The following DAAM2 variants were observed in gnomAD, a reference collection of about 807,000 sequenced individuals.
The protein encoded by DAAM2 is dishevelled associated activator of morphogenesis 2, also known as disheveled-associated activator of morphogenesis 2.
In DAAM2, 39 loss-of-function variants were observed where a neutral mutation model predicts 120.7. The observed-to-expected ratio is 0.32, with a 90% CI of 0.25 to 0.42. The LOEUF (loss-of-function observed/expected upper bound fraction) is 0.42, where lower values mean the gene tolerates loss of function less well. DAAM2 is among the 10% of genes least tolerant of loss of function. The pLI, the probability that DAAM2 is intolerant of heterozygous loss-of-function variation, is 1.00. For synonymous variants in DAAM2, 488 were observed against 524.9 expected (o/e 0.93, Z 0.96); for missense variants, 1,283 against 1,401.7 (o/e 0.92, Z 1.35).
rs766367751 is a variant in DAAM2 at position 39,900,164 on chromosome 6, A to T, written c.2767A>T (p.Ser923Cys). The T allele has an allele frequency of 4.4e-6, 7 of 1,606,920 alleles. No homozygotes were observed. Among genetic ancestry groups the T allele is most frequent in the Non-Finnish European group, 5.9e-6 (7 of 1,176,898 alleles). Residue 923 changes from serine to cysteine, a missense_variant, in exon 23 of 25, where the codon AGC (serine) becomes TGC (cysteine). Ser to Cys is a moderately radical substitution (Grantham distance 112). Around this residue, in one of 3 missense-constraint regions of DAAM2, gnomAD observed 748 missense variants for 768.6 expected, o/e 0.97. Coordinates refer to ENST00000274867, the MANE Select transcript of DAAM2 (RefSeq NM_001201427.2). ...CGACTTCATCACGGTGTCCAGCTTC[A>T]GCTTCTCCGAGCTGGAGGACCAGCT... The part of the protein sequence containing the change: ...MSDFITVSSF[S>C]FSELEDQLNE...
chr6:39,795,465 T>C (rs1232117280), intron 1 of DAAM2, among the ~76,000 whole-genome samples: 3 of 152,200 alleles, frequency 2.0e-5, no homozygotes, highest in African/African-American at 7.2e-5. Flanking sequence ...CTACATGACT[T>C]ATTCCTTCTG....
At chr6:39,900,342 G>A (rs1038790616) in intron 23 of DAAM2, 134 bp downstream of exon 23, 12 of 1,030,184 alleles carry the variant, frequency 1.2e-5, no homozygotes, top group East Asian at 2.7e-5. Context: ...CCGTTTCTTC[G>A]CTCTTAACAA....
At chr6:39,898,362 T>C (rs1766250882) in intron 21 of DAAM2, among the ~76,000 whole-genome samples, 1 of 151,882 alleles carries the variant, frequency 6.6e-6, no homozygotes, top group Non-Finnish European at 1.5e-5. Flanking sequence ...GTTGGAAGAG[T>C]TGGGGCCATG....
At position 39,902,852 on chromosome 6, in the gene DAAM2, C is replaced by T. The variant is rs896677819; in HGVS notation, c.*815C>T. The T allele has an allele frequency of 2.0e-5, 3 of 152,304 alleles. No individual in the cohort carries two copies. Among genetic ancestry groups the T allele is most frequent in the African/African-American group, 7.2e-5 (3 of 41,428 alleles). 9.4% of individuals were successfully genotyped at this position (152,304 alleles called of 1,614,324 possible). A position where few individuals can be genotyped will look rare whatever the true frequency, so the allele number is the denominator to read the frequency against. On this transcript the variant is annotated 3_prime_UTR_variant, in exon 25 of 25. Transcript: ENST00000274867. ...GGGGCTCAAGACAGACCTCATGCAT[C>T]ACCACACCTCATGCCTTTTGGGCAT...
intron 1 of DAAM2, among the ~76,000 whole-genome samples, chr6:39,853,765 G>A (rs952663601): frequency 5.3e-5 from 8 of 152,164 alleles, no homozygotes; most frequent in South Asian, 2.1e-4. Context: ...CAGCCTCCCC[G>A]CTGCCTCTCG....
In DAAM2 at chr6:39,896,816, C is replaced by A. The variant is rs1234114063; in HGVS notation, c.2346C>A (p.Ile782=). ...GACCTGTGCCTCCTCTCCCAGCCAT[C>A]CTGTTGGCCTCCCGGGAGCTGGTCC... ...LAEAKPKVEA[I]LLASRELVRS... The change falls in exon 20 of 25, where the codon ATC becomes ATA. Residue 782 remains isoleucine (I), a synonymous_variant. Coordinates refer to ENST00000274867, the MANE Select transcript of DAAM2 (RefSeq NM_001201427.2). 6.3e-7 allele frequency: 1 copy of A among 1,592,220 alleles called. No homozygotes were observed. Among genetic ancestry groups the A allele is most frequent in the South Asian group, 1.1e-5 (1 of 87,842 alleles).
chr6:39,897,602 A>G (rs1308829864), intron 21 of DAAM2, among the ~76,000 whole-genome samples: 1 of 152,226 alleles, frequency 6.6e-6, no homozygotes, highest in Non-Finnish European at 1.5e-5. Flanking sequence ...GGAGACTTAC[A>G]CGATTATTCA....
At chr6:39,800,511 C>T (rs929932364) in intron 1 of DAAM2, among the ~76,000 whole-genome samples, 5 of 152,214 alleles carry the variant, frequency 3.3e-5, no homozygotes, top group African/African-American at 1.2e-4. Context: ...GGGCCCTGCA[C>T]TCAACTTGCC....
Position 39,901,246 on chromosome 6 carries a change from C to T in DAAM2, c.2812-56C>T. 1 of 1,534,742 alleles carries T rather than the reference C, an allele frequency of 6.5e-7. No individual in the cohort carries two copies. The highest frequency in any genetic ancestry group is 8.9e-7 in the Non-Finnish European group (1 of 1,121,078). ...GCTAGAACCCAGCTAACCTCAGGGG[C>T]TGAGCCCAGCATGCTCCAGGGCACT... On this transcript the variant is annotated intron_variant, in intron 23 of 24. Transcript: ENST00000274867. This position sits in a 1 kb window ranked among gnomAD's most constrained non-coding sequence, Gnocchi z 4.5.
intron 1 of DAAM2, among the ~76,000 whole-genome samples, chr6:39,844,589 G>A (rs571788467): frequency 7.2e-5 from 11 of 152,252 alleles, no homozygotes; most frequent in Admixed American, 3.3e-4. Context: ...GGATGTAAGC[G>A]TCCTTTGAAT....
rs374360387 is a variant in DAAM2, at chr6:39,873,257, G to A, written c.1064G>A (p.Ser355Asn). ...RFDMVHIDTK[S>N]ASQMFELIHK... The stretch of plus-strand genomic sequence containing the variant: ...TCCCAGGTCCACATCGACACCAAGA[G>A]TGCTTCCCAGATGTTTGAGTTGATC... Residue 355 changes from serine (S) to asparagine (N), a missense_variant, in exon 10 of 25, where the codon AGT becomes AAT. Ser to Asn is a conservative substitution (Grantham distance 46). Around this residue, in one of 3 missense-constraint regions of DAAM2, gnomAD observed 338 missense variants for 443.9 expected, o/e 0.76. Coordinates refer to ENST00000274867, the MANE Select transcript of DAAM2 (RefSeq NM_001201427.2). 57 of 1,612,752 alleles carry A rather than the reference G, an allele frequency of 3.5e-5. No homozygotes were observed. Among genetic ancestry groups the A allele is most frequent in the Non-Finnish European group, 4.2e-5 (49 of 1,179,388 alleles).
chr6:39,892,994 G>A (rs1194162219), intron 19 of DAAM2, among the ~76,000 whole-genome samples: 1 of 152,232 alleles, frequency 6.6e-6, no homozygotes, highest in African/African-American at 2.4e-5. Flanking sequence ...CTGGTGATGG[G>A]TGAATCCTTA....
Position 39,860,973 on chromosome 6 carries a change from C to T in DAAM2, c.214C>T (p.Leu72=), listed in dbSNP as rs924185311. ...TDKNREAMFA[L]PPEKKWQIYC... Reference sequence around the variant, plus strand: ...CAAAAACCGAGAGGCTATGTTTGCACTGCCCCCTGAGAAGAAATGGCAGAT... The same window carrying T: ...CAAAAACCGAGAGGCTATGTTTGCATTGCCCCCTGAGAAGAAATGGCAGAT... The change falls in exon 3 of 25, where the codon CTG becomes TTG. Residue 72 remains leucine, a synonymous_variant. Coordinates refer to ENST00000274867, the MANE Select transcript of DAAM2 (RefSeq NM_001201427.2). The T allele has an allele frequency of 1.2e-6, 2 of 1,613,206 alleles. No homozygotes were observed. The highest frequency in any genetic ancestry group is 1.1e-5 in the South Asian group (1 of 90,708).
intron 1 of DAAM2, among the ~76,000 whole-genome samples, chr6:39,809,597 C>T (rs2114051694): frequency 6.6e-6 from 1 of 152,182 alleles, no homozygotes; most frequent in East Asian, 1.9e-4. Flanking sequence ...TTTAAGTAGC[C>T]CTTTTCCATC....
chr6:39,879,256 C>T lies in DAAM2; in HGVS notation c.1624C>T (p.Pro542Ser). ...SSSMTTNDLP[P>S]PPPPLPFACC... ...CTCAATGACAACCAATGACCTGCCT[C>T]CACCCCCTCCTCCTCTGCCCTTTGC... The change falls in exon 14 of 25, where the codon CCA (proline) becomes TCA (serine). Residue 542 changes from proline to serine, a missense_variant. Transcript: ENST00000274867. 1 of 1,538,666 alleles carries T rather than the reference C, an allele frequency of 6.5e-7. No homozygotes were observed. The highest frequency in any genetic ancestry group is 8.8e-7 in the Non-Finnish European group (1 of 1,137,434).
At chr6:39,818,681 T>C (rs1195047186) in intron 1 of DAAM2, 1 of 152,236 alleles carries the variant, frequency 6.6e-6, no homozygotes, top group East Asian at 1.9e-4. Flanking sequence ...TGATGTTGCA[T>C]TTAAAGCCCA....
Position 39,814,016 on chromosome 6 carries a change from C to T in DAAM2, c.-57+21551C>T, listed in dbSNP as rs532039751. ...AGGGGCCCTAAAAGACCAGCTGATA[C>T]CCTGTGGGATGGAGGATCTTTTAAA... On this transcript the variant is annotated intron_variant, in intron 1 of 24. Coordinates refer to ENST00000274867, the MANE Select transcript of DAAM2 (RefSeq NM_001201427.2). Among the ~76,000 whole-genome samples, 134 of 152,244 alleles carry T rather than the reference C, an allele frequency of 8.8e-4. 1 individual carries two copies. Among genetic ancestry groups the T allele is most frequent in the African/African-American group, 3.1e-3 (128 of 41,544 alleles).
chr6:39,828,286 T>C (rs1339771573), intron 1 of DAAM2, among the ~76,000 whole-genome samples: 2 of 152,226 alleles, frequency 1.3e-5, no homozygotes, highest in East Asian at 3.8e-4. Context: ...AGCAGAGTTG[T>C]TGTCTGGTGA....
chr6:39,856,502 A>C, intron 2 of DAAM2, 32 bp downstream of exon 2: 5 of 1,385,644 alleles, frequency 3.6e-6, no homozygotes, highest in Non-Finnish European at 3.8e-6. Flanking sequence ...GACAGTGACA[A>C]TGGGGAGGAG....
Sources: allele counts gnomAD v4.1 joint callset (sites outside exome capture counted in the v4.1 genomes callset), GRCh38; gene constraint gnomAD v4.1.1; regional missense constraint gnomAD v4.1.1; non-coding constraint Gnocchi (gnomAD v3.1); transcripts MANE v1.5; gene names NCBI Gene and HGNC (gene_info 2026-07-23, HGNC 2026-07-21).